Variants in NCOR1 observed in about 807,000 individuals in gnomAD.
NCOR1 encodes the protein nuclear receptor corepressor 1, also known as protein phosphatase 1, regulatory subunit 109.
NCOR1 carries 63 observed loss-of-function variants against 288.1 expected under a neutral mutation model. That is an observed-to-expected ratio of 0.22 (90% CI 0.18 to 0.27). The LOEUF is 0.27. NCOR1 is among the 10% of genes least tolerant of loss of function. NCOR1 has a pLI of 1.00. For missense variants in NCOR1, 2,397 were observed against 3,019.2 expected (o/e 0.79, Z 4.83); for synonymous variants, 1,007 against 1,065.9 (o/e 0.94, Z 1.08).
At chr17:16,203,409 T>C (rs1297035877) in intron 1 of NCOR1, among the ~76,000 whole-genome samples, 2 of 152,164 alleles carry the variant, frequency 1.3e-5, no homozygotes, top group Non-Finnish European at 2.9e-5. Flanking sequence ...ACTGGGTCTT[T>C]GTCCTTTACT....
intron 36 of NCOR1, 99 bp from the exon 37 acceptor site, chr17:16,061,993 G>C (rs1440882160): frequency 6.4e-7 from 1 of 1,566,986 alleles, no homozygotes. Flanking sequence ...AACAAAAAAA[G>C]CCTTCATGGC....
chr17:16,153,190 A>T (rs181607105), intron 7 of NCOR1, 149 bp downstream of exon 7: 8 of 550,832 alleles, frequency 1.5e-5, no homozygotes, highest in Non-Finnish European at 2.6e-5. Flanking sequence ...TTCACTCATC[A>T]TTACTTTAAA....
chr17:16,146,198 C>G (rs1034742304), intron 10 of NCOR1, among the ~76,000 whole-genome samples, 178 bp downstream of exon 10: 3 of 152,016 alleles, frequency 2.0e-5, no homozygotes, highest in Non-Finnish European at 2.9e-5. Flanking sequence ...AACCAGAGAC[C>G]TTTGTTCACA....
intron 3 of NCOR1, among the ~76,000 whole-genome samples, chr17:16,177,679 C>A (rs573912343): frequency 6.6e-6 from 1 of 152,280 alleles, no homozygotes; most frequent in Non-Finnish European, 1.5e-5. Context: ...CCCCCTCTAC[C>A]AGCCAGACAT....
intron 21 of NCOR1, 106 bp from the exon 22 acceptor site, chr17:16,092,164 A>AT: frequency 1.5e-6 from 2 of 1,321,862 alleles, no homozygotes; most frequent in Non-Finnish European, 1.0e-6. Context: ...GGTTGAATTG[A>AT]TTTTATCATT....
At chr17:16,212,768 C>G (rs1045344282) in intron 1 of NCOR1, among the ~76,000 whole-genome samples, 2 of 152,192 alleles carry the variant, frequency 1.3e-5, no homozygotes, top group Admixed American at 1.3e-4. Flanking sequence ...ATTCATAACA[C>G]AATTTTTTTT....
chr17:16,207,730 C>T (rs1292555432), intron 1 of NCOR1, among the ~76,000 whole-genome samples: 1 of 142,588 alleles, frequency 7.0e-6, no homozygotes, highest in Non-Finnish European at 1.5e-5. Context: ...GAGAGCGAGA[C>T]TCCATCTCCA....
At chr17:16,120,933 C>A (rs949784867) in intron 16 of NCOR1, 119 bp downstream of exon 16, 8 of 921,462 alleles carry the variant, frequency 8.7e-6, no homozygotes, top group Non-Finnish European at 1.2e-5. Context: ...AATTTAAAGA[C>A]CACACTTCAG....
chr17:16,035,074 C>T, intron 44 of NCOR1, 130 bp from the exon 45 acceptor site: 1 of 843,596 alleles, frequency 1.2e-6, no homozygotes, highest in Non-Finnish European at 1.8e-6. Flanking sequence ...TCCTGGTACT[C>T]AATGAAATAA....
chr17:16,059,815 C>T (rs1258962424), intron 37 of NCOR1, among the ~76,000 whole-genome samples: 1 of 152,184 alleles, frequency 6.6e-6, no homozygotes, highest in East Asian at 1.9e-4. Context: ...ACTCAACAGT[C>T]CTTCCTATCC....
intron 40 of NCOR1, among the ~76,000 whole-genome samples, chr17:16,056,397 TTCC>T (rs2059932780): frequency 6.7e-6 from 1 of 150,344 alleles, no homozygotes; most frequent in African/African-American, 2.4e-5. Flanking sequence ...CAAGTGATTC[TTCC>T]GCCCAGGTTC....
chr17:16,194,436 C>T (rs1158315975), intron 2 of NCOR1, 26 bp downstream of exon 2: 2 of 1,444,098 alleles, frequency 1.4e-6, no homozygotes, highest in East Asian at 2.3e-5. Flanking sequence ...AAAACATGTG[C>T]AATTTGCATA....
chr17:16,127,743 GGAGA>G (rs1205256554), intron 14 of NCOR1, among the ~76,000 whole-genome samples: 2 of 103,614 alleles, frequency 1.9e-5, no homozygotes, highest in African/African-American at 7.1e-5. Context: ...ATATATGTGT[GGAGA>G]TATATATATA....
chr17:16,152,999 A>T (rs1202130583), intron 7 of NCOR1, among the ~76,000 whole-genome samples: 1 of 152,132 alleles, frequency 6.6e-6, no homozygotes, highest in South Asian at 2.1e-4. Flanking sequence ...TTTTAATTTC[A>T]AAGTATTAAT....
chr17:16,209,554 C>T (rs2091917926), intron 1 of NCOR1, among the ~76,000 whole-genome samples: 1 of 149,530 alleles, frequency 6.7e-6, no homozygotes, highest in African/African-American at 2.5e-5. Flanking sequence ...GACCCCATCT[C>T]TATTTTTAAA....
At chr17:16,195,001 G>A (rs1470134557) in intron 1 of NCOR1, among the ~76,000 whole-genome samples, 1 of 152,156 alleles carries the variant, frequency 6.6e-6, no homozygotes, top group African/African-American at 2.4e-5. Context: ...AGTCAATTGC[G>A]AAAAGAATTC....
chr17:16,097,641 C>T (rs751937267), intron 21 of NCOR1, among the ~76,000 whole-genome samples: 4 of 152,144 alleles, frequency 2.6e-5, no homozygotes, highest in African/African-American at 7.2e-5. Context: ...ACACCTTGCC[C>T]GATCCATCTC....
rs913606033 is a variant in NCOR1 at position 16,215,450 on chromosome 17, G to C, written c.-159C>G. On this transcript the variant is annotated 5_prime_UTR_variant, in exon 1 of 46. Transcript: ENST00000268712. ...GCGCGCGGCCCTACACCGGGACCTC[G>C]TTCGGCGCGGCGAGTCGGACGCTCA... 2 of 397,496 alleles carry C rather than the reference G, an allele frequency of 5.0e-6. No homozygotes were observed. Among genetic ancestry groups the C allele is most frequent in the African/African-American group, 4.1e-5 (2 of 48,558 alleles). The allele number at this position is 397,496 out of a possible 1,614,324, so 24.6% of individuals were successfully genotyped here. A position where few individuals can be genotyped will look rare whatever the true frequency, so the allele number is the denominator to read the frequency against.
rs572220417 is a variant in NCOR1, at chr17:16,165,715, C to T, written c.436-554G>A. Among the ~76,000 whole-genome samples, 32 of 152,264 alleles carry T rather than the reference C, an allele frequency of 2.1e-4. No homozygotes were observed. The South Asian group carries it at 6.6e-3, about 32-fold the overall frequency. ...ATCTCTAGGCCTACTTTCATAAAGC[C>T]CACACTACAGCATACATAACATTTC... On this transcript the variant is annotated intron_variant, in intron 4 of 45. Coordinates refer to ENST00000268712, the MANE Select transcript of NCOR1 (RefSeq NM_006311.4).
Sources: gnomAD v4.1 joint callset for allele counts (sites outside exome capture counted in the v4.1 genomes callset) on GRCh38, gnomAD v4.1.1 for gene constraint, MANE v1.5 for transcripts, NCBI Gene and HGNC (gene_info 2026-07-23, HGNC 2026-07-21) for gene names.